Variants in ENKUR observed in about 807,000 individuals in gnomAD.
ENKUR encodes enkurin.
ENKUR carries 19 observed loss-of-function variants against 27.6 expected under a neutral mutation model. The observed-to-expected ratio is 0.69, with a 90% CI of 0.48 to 1.01. The LOEUF is 1.01. Ranked by LOEUF, ENKUR falls within the 50% of genes least tolerant of loss-of-function variation. ENKUR has a pLI of 0.00. For missense variants in ENKUR, 312 were observed against 310.5 expected (o/e 1.00, Z -0.04); for synonymous variants, 117 against 96.9 (o/e 1.21, Z -1.22).
At chr10:24,995,534 T>C (rs1850027307) in intron 3 of ENKUR, 112 bp downstream of exon 3, 2 of 969,882 alleles carry the variant, frequency 2.1e-6, no homozygotes, top group Admixed American at 2.5e-5. Context: ...ATCAGCAAAG[T>C]AGACAATGTG....
At chr10:25,044,636 A>G (rs992322562) in intron 2 of ENKUR, among the ~76,000 whole-genome samples, 11 of 152,246 alleles carry the variant, frequency 7.2e-5, no homozygotes, top group Admixed American at 6.5e-5. Flanking sequence ...GCCTCAAGCA[A>G]TCCTTCTGCC....
chr10:25,024,522 T>C, intron 2 of ENKUR: 1 of 1,614,180 alleles, frequency 6.2e-7, no homozygotes, highest in South Asian at 1.1e-5. Context: ...CAGTGGGTGT[T>C]GAGTCAGATT....
chr10:25,007,844 T>G (rs1850350403), intron 1 of ENKUR, among the ~76,000 whole-genome samples: 1 of 152,014 alleles, frequency 6.6e-6, no homozygotes, highest in Admixed American at 6.6e-5. Flanking sequence ...TCTGGTTGTC[T>G]CTCCCCTCAC....
chr10:25,000,546 A>G (rs1454994753), intron 1 of ENKUR, among the ~76,000 whole-genome samples: 1 of 152,090 alleles, frequency 6.6e-6, no homozygotes, highest in African/African-American at 2.4e-5. Flanking sequence ...AAAACAGATC[A>G]CTTCATCACT....
intron 2 of ENKUR, among the ~76,000 whole-genome samples, chr10:25,051,267 A>G (rs1851184059): frequency 2.0e-5 from 3 of 152,248 alleles, no homozygotes; most frequent in Non-Finnish European, 2.9e-5. Context: ...AGTTTGAGAT[A>G]ACATTTGAAA....
At chr10:25,045,590 A>G (rs931101880) in intron 2 of ENKUR, among the ~76,000 whole-genome samples, 2 of 152,196 alleles carry the variant, frequency 1.3e-5, no homozygotes, top group African/African-American at 2.4e-5. Flanking sequence ...AGTTCTCTGT[A>G]TTTCAGAAGC....
intron 2 of ENKUR, chr10:25,023,433 A>G: frequency 6.2e-7 from 1 of 1,614,192 alleles, no homozygotes; most frequent in Non-Finnish European, 8.5e-7. Flanking sequence ...GGAAAACAAC[A>G]GTAGGCAGAA....
chr10:25,044,728 T>C (rs1049429203), intron 2 of ENKUR, among the ~76,000 whole-genome samples: 9 of 152,246 alleles, frequency 5.9e-5, no homozygotes, highest in African/African-American at 1.9e-4. Flanking sequence ...TTGTCTTTCC[T>C]GCAATATGCA....
chr10:25,054,180 G>A (rs1017072637), intron 2 of ENKUR, among the ~76,000 whole-genome samples: 7 of 152,224 alleles, frequency 4.6e-5, no homozygotes, highest in Non-Finnish European at 8.8e-5. Context: ...CAACACTTTG[G>A]GAGGCTGAGG....
chr10:25,037,307 G>A (rs944327912), intron 2 of ENKUR, among the ~76,000 whole-genome samples: 4 of 152,130 alleles, frequency 2.6e-5, no homozygotes, highest in Non-Finnish European at 4.4e-5. Context: ...GACATAGCAC[G>A]GACTTAAGAG....
At chr10:25,024,218 A>C in intron 2 of ENKUR, 1 of 1,614,168 alleles carries the variant, frequency 6.2e-7, no homozygotes. Flanking sequence ...CCTGTCAGGC[A>C]CCTTTCAGGC....
intron 2 of ENKUR, chr10:25,023,953 CAG>C (rs1850780904): frequency 6.2e-7 from 1 of 1,614,170 alleles, no homozygotes; most frequent in Non-Finnish European, 8.5e-7. Context: ...AGACTGTGAA[CAG>C]AAGGTTTCAG....
At chr10:24,990,963 C>T (rs776515858) in intron 3 of ENKUR, among the ~76,000 whole-genome samples, 16 of 152,096 alleles carry the variant, frequency 1.1e-4, no homozygotes, top group East Asian at 1.9e-4. Flanking sequence ...AGCCAGGCAT[C>T]GTGGCATGTG....
chr10:25,036,343 C>A (rs2046011488), intron 2 of ENKUR, among the ~76,000 whole-genome samples: 1 of 152,180 alleles, frequency 6.6e-6, no homozygotes, highest in South Asian at 2.1e-4. Flanking sequence ...TGCCTTTCAC[C>A]TTCTGCCAGA....
At chr10:25,025,963 C>T (rs971640464) in intron 2 of ENKUR, 1 of 157,330 alleles carries the variant, frequency 6.4e-6, no homozygotes, top group African/African-American at 2.4e-5. Flanking sequence ...ACTGCAACCT[C>T]CGCCTCCCAG....
upstream of ENKUR, among the ~76,000 whole-genome samples, chr10:25,018,950 T>A (rs1850666104): frequency 6.6e-6 from 1 of 152,164 alleles, no homozygotes; most frequent in East Asian, 1.9e-4. Flanking sequence ...AGTTGTGAGA[T>A]CCTTGTGATT....
Position 25,040,554 on chromosome 10 carries a change from A to G in ENKUR, c.37+20558T>C, listed in dbSNP as rs565977304. Among the ~76,000 whole-genome samples the G allele has an allele frequency of 6.0e-4, 67 of 112,478 alleles. No individual in the cohort carries two copies. The East Asian group carries it at 0.017, about 28-fold the overall frequency. 73.8% of individuals were successfully genotyped at this position (112,478 alleles called of 152,430 possible). On this transcript the variant is annotated intron_variant, in intron 2 of 5. Coordinates refer to the ENKUR transcript ENST00000615958. The stretch of plus-strand genomic sequence containing the variant: ...CCCGGCTAACTTTTTTTGTATTATC[A>G]GTAGAAACGGTTTCACCGTGTTAGC...
chr10:25,001,956 T>G (rs1246281016), intron 1 of ENKUR, among the ~76,000 whole-genome samples: 2 of 152,238 alleles, frequency 1.3e-5, no homozygotes, highest in Non-Finnish European at 2.9e-5. Context: ...TGTTTGTTGC[T>G]GAATTTTTCT....
rs761035948 is a variant in ENKUR, at chr10:24,984,742, G to T, written c.758C>A (p.Ala253Asp). The T allele has an allele frequency of 5.0e-6, 8 of 1,604,716 alleles. No homozygotes were observed. The Admixed American group carries it at 1.4e-4, about 27-fold the overall frequency. Residue 253 changes from alanine (A) to aspartate (D), a missense_variant, in exon 5 of 6, where the codon GCC (alanine) becomes GAC (aspartate). Transcript: ENST00000331161. ...IIEKHKIIYIANNA is the reference protein window; with the variant it reads ...IIEKHKIIYIDNNA ...TTTAAAGATCCATTCTTACTTATTG[G>T]CAATATAAATAATCTTGTGCTTTTC...
Sources: allele counts gnomAD v4.1 joint callset (sites outside exome capture counted in the v4.1 genomes callset), GRCh38; gene constraint gnomAD v4.1.1; transcripts MANE v1.5; gene names NCBI Gene and HGNC (gene_info 2026-07-23, HGNC 2026-07-21).